Variants in HPSE2 observed in about 807,000 individuals in gnomAD.
HPSE2 encodes heparanase 2 (inactive).
In HPSE2, 38 loss-of-function variants were observed where a neutral mutation model predicts 60.5. The observed-to-expected ratio is 0.63, with a 90% CI of 0.48 to 0.82. The LOEUF is 0.82. Among genes scored for constraint, HPSE2 ranks in the 40% least tolerant of loss-of-function variants. HPSE2 has a pLI of 0.00. For missense variants in HPSE2, 713 were observed against 740.4 expected (o/e 0.96, Z 0.43); for synonymous variants, 295 against 293.2 (o/e 1.01, Z -0.06).
chr10:98,871,860 T>C (rs1183238126), intron 3 of HPSE2, among the ~76,000 whole-genome samples: 2 of 152,096 alleles, frequency 1.3e-5, no homozygotes. Context: ...GTATCTACTG[T>C]GAAAACAGCC....
chr10:99,200,613 T>C (rs1045870448), intron 2 of HPSE2, among the ~76,000 whole-genome samples: 1 of 152,136 alleles, frequency 6.6e-6, no homozygotes, highest in African/African-American at 2.4e-5. Flanking sequence ...AAATGGTAGG[T>C]ATAATATGAA....
At chr10:98,614,485 G>A in intron 9 of HPSE2, among the ~76,000 whole-genome samples, 1 of 151,950 alleles carries the variant, frequency 6.6e-6, no homozygotes, top group East Asian at 1.9e-4. Context: ...GTGGAGACGG[G>A]GTTTCACCAT....
the HPSE2 span, among the ~76,000 whole-genome samples, chr10:99,244,823 A>C: frequency 6.6e-6 from 1 of 152,106 alleles, no homozygotes; most frequent in East Asian, 1.9e-4. Flanking sequence ...GACAGACTTT[A>C]GTAGTACATA....
At chr10:99,100,742 G>C (rs1057241875) in intron 3 of HPSE2, among the ~76,000 whole-genome samples, 19 of 152,176 alleles carry the variant, frequency 1.2e-4, no homozygotes, top group African/African-American at 4.1e-4. Flanking sequence ...CAGCCAGAGA[G>C]AAAGGTCGGG....
intron 9 of HPSE2, among the ~76,000 whole-genome samples, chr10:98,551,840 A>C (rs1943873595): frequency 6.6e-6 from 1 of 152,212 alleles, no homozygotes; most frequent in Admixed American, 6.5e-5. Flanking sequence ...ACTTGCCTGA[A>C]TATAAACATC....
chr10:99,189,232 G>A (rs1848135669), intron 2 of HPSE2, among the ~76,000 whole-genome samples: 1 of 152,154 alleles, frequency 6.6e-6, no homozygotes, highest in Non-Finnish European at 1.5e-5. Flanking sequence ...CATACAAGGA[G>A]GCTGCTTCTG....
chr10:98,836,458 T>G (rs149117586), intron 3 of HPSE2, among the ~76,000 whole-genome samples: 32 of 152,288 alleles, frequency 2.1e-4, no homozygotes, highest in African/African-American at 7.2e-4. Context: ...TTGAAGGAGA[T>G]TGACAAAAAG....
chr10:98,834,571 AAG>A (rs1271169647), intron 3 of HPSE2, among the ~76,000 whole-genome samples: 1 of 152,182 alleles, frequency 6.6e-6, no homozygotes, highest in African/African-American at 2.4e-5. Context: ...CCATAAAAAA[AAG>A]AGGAGCAAGT....
At chr10:99,150,758 C>T (rs74710433) in intron 2 of HPSE2, among the ~76,000 whole-genome samples, 2,764 of 152,204 alleles carry the variant, frequency 0.018, 89 homozygotes, top group African/African-American at 0.063. Context: ...AAGTTCTTCA[C>T]ACATAACTGG....
intron 2 of HPSE2, among the ~76,000 whole-genome samples, chr10:99,222,812 C>A (rs895888003): frequency 6.6e-6 from 1 of 152,114 alleles, no homozygotes; most frequent in African/African-American, 2.4e-5. Context: ...ATGTGTCTTC[C>A]TGCAGTTATC....
intron 9 of HPSE2, among the ~76,000 whole-genome samples, chr10:98,573,074 T>A (rs1028751083): frequency 6.6e-6 from 1 of 152,166 alleles, no homozygotes; most frequent in Non-Finnish European, 1.5e-5. Context: ...CAGATCTGAG[T>A]GATCTTGGGC....
intron 3 of HPSE2, among the ~76,000 whole-genome samples, chr10:98,861,283 A>G (rs1952453237): frequency 6.6e-6 from 1 of 152,182 alleles, no homozygotes; most frequent in South Asian, 2.1e-4. Context: ...AGCCCCCAAC[A>G]TTCATCTCTC....
At chr10:99,114,742 G>A (rs569428871) in intron 3 of HPSE2, among the ~76,000 whole-genome samples, 9 of 151,626 alleles carry the variant, frequency 5.9e-5, no homozygotes, top group African/African-American at 1.7e-4. Flanking sequence ...GTGAAATCCC[G>A]TCTCCACTAA....
intron 9 of HPSE2, among the ~76,000 whole-genome samples, chr10:98,612,762 C>T (rs924503098): frequency 3.9e-5 from 6 of 152,162 alleles, no homozygotes; most frequent in Non-Finnish European, 5.9e-5. Context: ...ACATTTAATG[C>T]GTGAATTATG....
the HPSE2 span, among the ~76,000 whole-genome samples, chr10:99,308,995 T>C: frequency 6.6e-6 from 1 of 152,220 alleles, no homozygotes. Context: ...AGTATGTTTA[T>C]GTAAAATTAA....
chr10:98,488,040 C>A (rs189312481), intron 10 of HPSE2, among the ~76,000 whole-genome samples: 63 of 152,314 alleles, frequency 4.1e-4, no homozygotes, highest in African/African-American at 1.4e-3. Context: ...TTATGAAAGT[C>A]TTTTCTTTCT....
At chr10:98,889,680 TG>T (rs1301806216) in intron 3 of HPSE2, among the ~76,000 whole-genome samples, 1 of 152,192 alleles carries the variant, frequency 6.6e-6, no homozygotes, top group Non-Finnish European at 1.5e-5. Flanking sequence ...GGCCCTGGGT[TG>T]ATATTGGAAA....
chr10:99,049,308 T>C (rs1957935514), intron 3 of HPSE2, among the ~76,000 whole-genome samples: 3 of 152,150 alleles, frequency 2.0e-5, no homozygotes, highest in African/African-American at 7.2e-5. Flanking sequence ...CATTACAACA[T>C]AATATTTTCT....
At chr10:98,570,579 A>T (rs936817769) in intron 9 of HPSE2, among the ~76,000 whole-genome samples, 3 of 152,148 alleles carry the variant, frequency 2.0e-5, no homozygotes, top group African/African-American at 7.2e-5. Flanking sequence ...TTAGAATAAA[A>T]AAACAGCAGT....
Sources: allele counts gnomAD v4.1 joint callset (sites outside exome capture counted in the v4.1 genomes callset), GRCh38; gene constraint gnomAD v4.1.1; transcripts MANE v1.5; gene names NCBI Gene and HGNC (gene_info 2026-07-23, HGNC 2026-07-21).